The following AEBP2 variants were observed in gnomAD, a reference collection of about 807,000 sequenced individuals.
The protein encoded by AEBP2 is AE binding protein 2.
In AEBP2, 10 loss-of-function variants were observed where a neutral mutation model predicts 50.8. That is an observed-to-expected ratio of 0.20 (90% CI 0.12 to 0.33). The LOEUF (loss-of-function observed/expected upper bound fraction) is 0.33, where lower values mean the gene tolerates loss of function less well. Among genes scored for constraint, AEBP2 ranks in the 10% least tolerant of loss-of-function variants. AEBP2 has a pLI of 1.00. For missense variants in AEBP2, 570 were observed against 688.0 expected (o/e 0.83, Z 1.92); for synonymous variants, 296 against 261.3 (o/e 1.13, Z -1.28).
At chr12:19,486,759 C>T (rs2120393392) in intron 3 of AEBP2, among the ~76,000 whole-genome samples, 1 of 152,186 alleles carries the variant, frequency 6.6e-6, no homozygotes, top group Admixed American at 6.6e-5. Flanking sequence ...CATATTCATT[C>T]CTCTTAACTA....
chr12:19,500,013 T>C (rs1411472864), intron 4 of AEBP2, 84 bp from the exon 5 acceptor site: 10 of 1,205,562 alleles, frequency 8.3e-6, no homozygotes, highest in Non-Finnish European at 1.2e-5. Flanking sequence ...TTGATAGATA[T>C]GTATTTGTTA....
chr12:19,470,040 G>T (rs181963763), intron 2 of AEBP2, among the ~76,000 whole-genome samples: 10 of 152,250 alleles, frequency 6.6e-5, no homozygotes, highest in African/African-American at 2.4e-4. Flanking sequence ...AAAAGTCTCA[G>T]ATTTGAAGAA....
chr12:19,498,467 A>G (rs1357355673), intron 4 of AEBP2, among the ~76,000 whole-genome samples: 1 of 152,204 alleles, frequency 6.6e-6, no homozygotes, highest in Non-Finnish European at 1.5e-5. Flanking sequence ...TTGATGTGCC[A>G]ACTGGTGAAA....
chr12:19,478,282 A>G (rs1948679832), intron 3 of AEBP2, among the ~76,000 whole-genome samples: 1 of 151,880 alleles, frequency 6.6e-6, no homozygotes, highest in Non-Finnish European at 1.5e-5. Context: ...TAGATTGCCT[A>G]TTTGTGACCT....
At position 19,408,538 on chromosome 12, in the gene AEBP2, GA is replaced by G. The variant is rs74215633; in HGVS notation, c.-17+4337del. Reference sequence around the variant, plus strand: ...CGCTCCAGCCTGGGCCACAGAGCAAGAAAAAAAAAAAAAAAGAAAGCGTTTT... The same window carrying G: ...CGCTCCAGCCTGGGCCACAGAGCAAGAAAAAAAAAAAAAAGAAAGCGTTTT... On this transcript the variant is annotated intron_variant, in intron 1 of 3. Coordinates refer to the AEBP2 transcript ENST00000538425. Among the ~76,000 whole-genome samples the G allele has an allele frequency of 9.6e-3, 1,092 of 113,734 alleles. 10 individuals carry two copies. Among genetic ancestry groups the G allele is most frequent in the African/African-American group, 0.025 (770 of 30,690 alleles). The allele number at this position is 113,734 out of a possible 152,430, so 74.6% of individuals were successfully genotyped here.
At chr12:19,429,302 T>C (rs1356079325) in intron 1 of AEBP2, among the ~76,000 whole-genome samples, 1 of 152,212 alleles carries the variant, frequency 6.6e-6, no homozygotes, top group Non-Finnish European at 1.5e-5. Flanking sequence ...ACAAAGGACA[T>C]GAACTCATCC....
intron 3 of AEBP2, among the ~76,000 whole-genome samples, chr12:19,479,717 GTTTTTTTTTTTTTTTTT>G (rs369410408): frequency 4.0e-4 from 9 of 22,350 alleles, no homozygotes; most frequent in Middle Eastern, 0.05. Context: ...CTCTTTGTGG[GTTTTTTTTTTTTTTTTT>G]TTTTTTTTTT....
At chr12:19,420,621 C>A (rs545271257) in intron 1 of AEBP2, among the ~76,000 whole-genome samples, 1 of 152,144 alleles carries the variant, frequency 6.6e-6, no homozygotes, top group Non-Finnish European at 1.5e-5. Flanking sequence ...CCACTGCGCC[C>A]GGCCAATAGC....
chr12:19,440,442 G>T, intron 1 of AEBP2, 72 bp downstream of exon 1: 1 of 1,430,290 alleles, frequency 7.0e-7, no homozygotes, highest in Non-Finnish European at 9.1e-7. Context: ...GGGGACCAAG[G>T]CGACGTTTTG....
At chr12:19,514,088 C>T (rs1949282619) in intron 6 of AEBP2, among the ~76,000 whole-genome samples, 1 of 151,740 alleles carries the variant, frequency 6.6e-6, no homozygotes, top group African/African-American at 2.4e-5. Flanking sequence ...CAACCTCTGT[C>T]TCCTGGGTTC....
intron 1 of AEBP2, among the ~76,000 whole-genome samples, chr12:19,406,837 A>G (rs1360235746): frequency 6.6e-6 from 1 of 152,100 alleles, no homozygotes; most frequent in Non-Finnish European, 1.5e-5. Context: ...TTTGCGTTTT[A>G]CATTTAGGTC....
At chr12:19,440,967 C>T (rs565052903) in intron 1 of AEBP2, among the ~76,000 whole-genome samples, 1 of 152,292 alleles carries the variant, frequency 6.6e-6, no homozygotes, top group East Asian at 1.9e-4. Context: ...ACAATCTTTT[C>T]TATTTGTTTT....
At chr12:19,482,785 T>C (rs1435794588) in intron 3 of AEBP2, among the ~76,000 whole-genome samples, 1 of 152,104 alleles carries the variant, frequency 6.6e-6, no homozygotes, top group African/African-American at 2.4e-5. Context: ...AGATAGGGCG[T>C]TGGTTTTCAG....
In AEBP2 at chr12:19,455,492, A is replaced by G. The variant is rs765556600; in HGVS notation, c.672-7018A>G. Among the ~76,000 whole-genome samples the G allele has an allele frequency of 1.4e-4, 21 of 152,196 alleles. No individual in the cohort carries two copies. In the East Asian group the frequency reaches 1.5e-3, roughly 11 times the overall value. On this transcript the variant is annotated intron_variant, in intron 1 of 7. Coordinates refer to ENST00000266508, the MANE Select transcript of AEBP2 (RefSeq NM_153207.5). ...CATAAGCATCCATGTATTGCTTCCT[A>G]TGCTCATGCACCTTGTCATTTAGCA...
chr12:19,465,620 C>T (rs752505773), intron 2 of AEBP2, among the ~76,000 whole-genome samples: 50 of 151,846 alleles, frequency 3.3e-4, no homozygotes, highest in African/African-American at 9.9e-4. Flanking sequence ...TCCAACTCCT[C>T]GACTCAAGCG....
intron 3 of AEBP2, among the ~76,000 whole-genome samples, chr12:19,485,234 CTG>C (rs1370953330): frequency 6.6e-6 from 1 of 152,026 alleles, no homozygotes; most frequent in African/African-American, 2.4e-5. Flanking sequence ...CTTCTAGAAA[CTG>C]TAGACGTTTC....
intron 3 of AEBP2, among the ~76,000 whole-genome samples, chr12:19,488,647 G>T (rs1045828825): frequency 6.6e-6 from 1 of 152,066 alleles, no homozygotes; most frequent in African/African-American, 2.4e-5. Context: ...ATCTTCAGAA[G>T]GACTTCTGGG....
intron 1 of AEBP2, among the ~76,000 whole-genome samples, chr12:19,460,678 A>G (rs7957996): frequency 0.85 from 125,762 of 148,240 alleles, 53,600 homozygotes; most frequent in African/African-American, 0.93. Context: ...TTTTTGAGAC[A>G]GAGTCTAGCT....
Position 19,440,012 on chromosome 12 carries a change from G to A in AEBP2, c.313G>A (p.Glu105Lys). 1 of 1,525,758 alleles carries A rather than the reference G, an allele frequency of 6.6e-7. No individual in the cohort carries two copies. Among genetic ancestry groups the A allele is most frequent in the Non-Finnish European group, 8.8e-7 (1 of 1,142,474 alleles). 94.5% of individuals were successfully genotyped at this position (1,525,758 alleles called of 1,614,324 possible). A position where few individuals can be genotyped will look rare whatever the true frequency, so the allele number is the denominator to read the frequency against. The change falls in exon 1 of 8, where the codon GAG (glutamate) becomes AAG (lysine). Residue 105 changes from glutamate (E) to lysine (K), a missense_variant. Around this residue, in one of 2 missense-constraint regions of AEBP2, gnomAD observed 386 missense variants for 336.8 expected, o/e 1.15. Coordinates refer to ENST00000266508, the MANE Select transcript of AEBP2 (RefSeq NM_153207.5). Reference protein sequence around the residue: ...EDEDEEEDDEEEEDESSSSGG... With the variant: ...EDEDEEEDDEKEEDESSSSGG... ...CGAAGACGAGGAGGAGGACGACGAG[G>A]AGGAGGAAGATGAGAGCAGCAGCAG...
Sources: allele counts gnomAD v4.1 joint callset (sites outside exome capture counted in the v4.1 genomes callset), GRCh38; gene constraint gnomAD v4.1.1; regional missense constraint gnomAD v4.1.1; transcripts MANE v1.5; gene names NCBI Gene and HGNC (gene_info 2026-07-23, HGNC 2026-07-21).